DLC1: variants seen among roughly 807,000 people sequenced by gnomAD.
DLC1 encodes the protein DLC1 Rho GTPase activating protein.
DLC1 carries 54 observed loss-of-function variants against 140.3 expected under a neutral mutation model. That is an observed-to-expected ratio of 0.38 (90% CI 0.31 to 0.48). The LOEUF (loss-of-function observed/expected upper bound fraction) is 0.48, where lower values mean the gene tolerates loss of function less well. DLC1 is among the 20% of genes least tolerant of loss of function. DLC1 has a pLI of 0.96. For missense variants in DLC1, 2,536 were observed against 1,907.0 expected (o/e 1.33, Z -6.14); for synonymous variants, 986 against 728.1 (o/e 1.35, Z -5.70).
intron 2 of DLC1, among the ~76,000 whole-genome samples, chr8:13,498,363 C>T (rs528062960): frequency 2.0e-5 from 3 of 152,272 alleles, no homozygotes; most frequent in South Asian, 2.1e-4. Flanking sequence ...TTGAAAGCTT[C>T]GCAGGGGAGG....
chr8:13,260,435 A>G (rs1417379246), intron 5 of DLC1, among the ~76,000 whole-genome samples: 1 of 152,240 alleles, frequency 6.6e-6, no homozygotes, highest in Non-Finnish European at 1.5e-5. Context: ...TGAGGCATGA[A>G]GGAGAGGTAA....
intron 5 of DLC1, among the ~76,000 whole-genome samples, chr8:13,287,749 T>C (rs538044967): frequency 9.9e-5 from 15 of 152,276 alleles, no homozygotes; most frequent in African/African-American, 3.6e-4. Flanking sequence ...AGATCGCCGA[T>C]GATGCAAGAA....
intron 2 of DLC1, among the ~76,000 whole-genome samples, chr8:13,424,764 G>A (rs556292909): frequency 3.3e-5 from 5 of 151,986 alleles, no homozygotes; most frequent in African/African-American, 9.6e-5. Context: ...TAGTAGAGAC[G>A]GGGTTTCACC....
At chr8:13,178,961 G>C (rs1825895949) in intron 5 of DLC1, among the ~76,000 whole-genome samples, 1 of 152,120 alleles carries the variant, frequency 6.6e-6, no homozygotes, top group Non-Finnish European at 1.5e-5. Context: ...TTCACCAAAA[G>C]ACATGTATTG....
At chr8:13,255,156 A>C (rs1046174630) in intron 5 of DLC1, among the ~76,000 whole-genome samples, 2 of 151,940 alleles carry the variant, frequency 1.3e-5, no homozygotes, top group Non-Finnish European at 2.9e-5. Context: ...TTTTAAGTAG[A>C]GATGGGTTTC....
At chr8:13,127,084 T>G (rs192534991) in intron 5 of DLC1, among the ~76,000 whole-genome samples, 1 of 152,360 alleles carries the variant, frequency 6.6e-6, no homozygotes, top group East Asian at 1.9e-4. Flanking sequence ...CTAGACGTTC[T>G]CAGTTTTGTG....
chr8:13,415,587 G>T (rs1055084660), intron 2 of DLC1, among the ~76,000 whole-genome samples: 13 of 152,010 alleles, frequency 8.6e-5, no homozygotes, highest in Admixed American at 8.5e-4. Context: ...TTTTAGTAGA[G>T]ATGGGGTTTC....
At chr8:13,286,476 G>C (rs1436083944) in intron 5 of DLC1, among the ~76,000 whole-genome samples, 1 of 152,070 alleles carries the variant, frequency 6.6e-6, no homozygotes, top group Non-Finnish European at 1.5e-5. Context: ...ATTAGTATCA[G>C]TTCATTCATT....
intron 5 of DLC1, among the ~76,000 whole-genome samples, chr8:13,181,238 C>T (rs74720060): frequency 6.6e-6 from 1 of 151,958 alleles, no homozygotes. Context: ...GAAAGCTCTT[C>T]CCCCAGCAAG....
intron 16 of DLC1, among the ~76,000 whole-genome samples, chr8:13,087,500 T>C (rs1817661659): frequency 1.3e-5 from 2 of 152,248 alleles, no homozygotes; most frequent in Admixed American, 1.3e-4. Context: ...CTGTTCATTA[T>C]AATTGCCTGG....
chr8:13,128,898 C>CGTTA (rs1821833133), intron 5 of DLC1, among the ~76,000 whole-genome samples: 1 of 3,202 alleles, frequency 3.1e-4, no homozygotes, highest in Admixed American at 3.1e-3. Flanking sequence ...TCCTGTTCTC[C>CGTTA]ATTAATTATG....
At chr8:13,249,131 C>G (rs1829894647) in intron 5 of DLC1, among the ~76,000 whole-genome samples, 1 of 152,180 alleles carries the variant, frequency 6.6e-6, no homozygotes, top group Admixed American at 6.5e-5. Context: ...GGCTGGAGTG[C>G]AATGGCGCGA....
chr8:13,391,291 C>T (rs1029838946), intron 4 of DLC1, among the ~76,000 whole-genome samples: 1 of 152,128 alleles, frequency 6.6e-6, no homozygotes, highest in Non-Finnish European at 1.5e-5. Context: ...TCTCATGGCT[C>T]ACTGGCTGAT....
chr8:13,176,647 C>T (rs1325193481), intron 5 of DLC1, among the ~76,000 whole-genome samples: 2 of 152,180 alleles, frequency 1.3e-5, no homozygotes, highest in African/African-American at 4.8e-5. Flanking sequence ...TAGACTAATG[C>T]ACACCCACAG....
chr8:13,308,132 G>C (rs1026287552), intron 4 of DLC1, among the ~76,000 whole-genome samples: 1 of 152,128 alleles, frequency 6.6e-6, no homozygotes, highest in Non-Finnish European at 1.5e-5. Flanking sequence ...ATATAACCAT[G>C]CATGTGTAAT....
intron 12 of DLC1, among the ~76,000 whole-genome samples, chr8:13,094,195 T>G (rs1818315513): frequency 6.6e-6 from 1 of 152,138 alleles, no homozygotes; most frequent in Admixed American, 6.5e-5. Context: ...CTAATGAAAG[T>G]CTAACTTTTC....
chr8:13,086,151 G>T (rs1380732626), intron 17 of DLC1, 139 bp downstream of exon 17: 1 of 1,347,250 alleles, frequency 7.4e-7, no homozygotes, highest in Non-Finnish European at 9.9e-7. Context: ...AACATGAAAT[G>T]CTACTTTCTA....
At chr8:13,107,861 G>A (rs1304256309) in intron 7 of DLC1, among the ~76,000 whole-genome samples, 1 of 152,012 alleles carries the variant, frequency 6.6e-6, no homozygotes, top group African/African-American at 2.4e-5. Context: ...TGGCCAGTAT[G>A]GTGAAACCCC....
At chr8:13,424,386 G>A (rs1838457282) in intron 2 of DLC1, among the ~76,000 whole-genome samples, 1 of 152,002 alleles carries the variant, frequency 6.6e-6, no homozygotes, top group Non-Finnish European at 1.5e-5. Flanking sequence ...GTACTCTGGA[G>A]GCTGAGACAG....
Sources: allele counts gnomAD v4.1 joint callset (sites outside exome capture counted in the v4.1 genomes callset), GRCh38; gene constraint gnomAD v4.1.1; transcripts MANE v1.5; gene names NCBI Gene and HGNC (gene_info 2026-07-23, HGNC 2026-07-21).